EYS: variants seen among roughly 807,000 people sequenced by gnomAD.
EYS encodes protein eyes shut homolog.
EYS carries 250 observed loss-of-function variants against 282.1 expected under a neutral mutation model. The observed-to-expected ratio is 0.89, with a 90% CI of 0.80 to 0.98. The LOEUF (loss-of-function observed/expected upper bound fraction) is 0.98, where lower values mean the gene tolerates loss of function less well. Among genes scored for constraint, EYS ranks in the 50% least tolerant of loss-of-function variants. The probability of loss-of-function intolerance (pLI) is 0.00; values close to 1 mark genes in which losing one functional copy is unlikely to be tolerated. For missense variants in EYS, 4,016 were observed against 3,709.0 expected (o/e 1.08, Z -2.15); for synonymous variants, 1,355 against 1,282.9 (o/e 1.06, Z -1.20).
At chr6:65,412,062 T>C (rs550907011) in intron 5 of EYS, among the ~76,000 whole-genome samples, 1 of 152,170 alleles carries the variant, frequency 6.6e-6, no homozygotes, top group East Asian at 1.9e-4. Flanking sequence ...ATGTATAAGA[T>C]TAGTACCCTT....
intron 36 of EYS, among the ~76,000 whole-genome samples, chr6:63,829,859 C>T (rs868314272): frequency 1.8e-4 from 28 of 152,188 alleles, no homozygotes; most frequent in African/African-American, 6.5e-4. Context: ...CCCTCTGAGA[C>T]AAAGCTTCCA....
intron 30 of EYS, among the ~76,000 whole-genome samples, chr6:64,298,884 G>A (rs1465624445): frequency 6.6e-6 from 1 of 152,118 alleles, no homozygotes; most frequent in Non-Finnish European, 1.5e-5. Context: ...ATTAGGGGTT[G>A]CTAGCTTAAT....
chr6:64,541,860 C>T (rs1376436714), intron 26 of EYS, among the ~76,000 whole-genome samples: 4 of 152,112 alleles, frequency 2.6e-5, no homozygotes, highest in African/African-American at 9.7e-5. Context: ...TAAAGTTTTA[C>T]ATATTATCTA....
intron 22 of EYS, among the ~76,000 whole-genome samples, chr6:64,658,965 T>C (rs1332626361): frequency 1.3e-5 from 2 of 152,172 alleles, no homozygotes; most frequent in African/African-American, 2.4e-5. Context: ...GCACTTATTC[T>C]AAAATTGACC....
At chr6:64,287,186 C>A (rs1268486686) in intron 30 of EYS, among the ~76,000 whole-genome samples, 1 of 152,056 alleles carries the variant, frequency 6.6e-6, no homozygotes, top group Non-Finnish European at 1.5e-5. Flanking sequence ...TTAATTAAGT[C>A]ACTGCCTTTA....
At chr6:64,125,621 TAAA>T (rs1233562756) in intron 31 of EYS, among the ~76,000 whole-genome samples, 2 of 151,070 alleles carry the variant, frequency 1.3e-5, no homozygotes, top group Non-Finnish European at 3.0e-5. Flanking sequence ...CCATCTCTAC[TAAA>T]AAATACAAAA....
intron 12 of EYS, among the ~76,000 whole-genome samples, chr6:65,278,060 T>TTCTTTTCTTTTC (rs139764079): frequency 7.0e-6 from 1 of 142,808 alleles, no homozygotes; most frequent in East Asian, 2.0e-4. Flanking sequence ...TTCTTTTCTT[T>TTCTTTTCTTTTC]TTTTCTGCCT....
chr6:65,192,715 C>T (rs1051664726), intron 12 of EYS, among the ~76,000 whole-genome samples: 2 of 151,796 alleles, frequency 1.3e-5, no homozygotes, highest in South Asian at 4.1e-4. Flanking sequence ...ATGACTAGGT[C>T]ATTAAAATCT....
intron 42 of EYS, among the ~76,000 whole-genome samples, chr6:63,724,494 G>T (rs1384577266): frequency 6.6e-6 from 1 of 152,052 alleles, no homozygotes; most frequent in East Asian, 1.9e-4. Context: ...TTTTATACAC[G>T]TTGGGAGGAT....
At chr6:64,490,566 A>G (rs1776706692) in intron 26 of EYS, among the ~76,000 whole-genome samples, 2 of 150,884 alleles carry the variant, frequency 1.3e-5, no homozygotes, top group African/African-American at 2.4e-5. Flanking sequence ...GTATCTCTCC[A>G]GCATTCAAAT....
intron 31 of EYS, among the ~76,000 whole-genome samples, chr6:64,149,152 T>C (rs1018728758): frequency 3.7e-4 from 56 of 152,298 alleles, no homozygotes; most frequent in African/African-American, 1.2e-3. Flanking sequence ...GCAGAAATCA[T>C]AACTGGTGAA....
chr6:64,356,630 C>T (rs4355590), intron 29 of EYS, among the ~76,000 whole-genome samples: 4,728 of 151,656 alleles, frequency 0.031, 233 homozygotes, highest in African/African-American at 0.11. Flanking sequence ...TACATCTTTA[C>T]GCATTGGAAG....
chr6:64,648,039 T>A (rs1162554637), intron 22 of EYS, among the ~76,000 whole-genome samples: 4 of 152,236 alleles, frequency 2.6e-5, no homozygotes, highest in Non-Finnish European at 5.9e-5. Flanking sequence ...TATAGCCAGT[T>A]ATGCTTAAAT....
At chr6:64,871,239 G>A (rs1400360392) in intron 19 of EYS, among the ~76,000 whole-genome samples, 1 of 149,496 alleles carries the variant, frequency 6.7e-6, no homozygotes, top group Non-Finnish European at 1.5e-5. Context: ...AATATTCAAT[G>A]TTCCCATTAA....
intron 12 of EYS, among the ~76,000 whole-genome samples, chr6:65,202,319 G>C (rs1472221547): frequency 1.3e-5 from 2 of 151,994 alleles, no homozygotes; most frequent in East Asian, 3.9e-4. Context: ...TTTAATAATA[G>C]AATGGGTACA....
chr6:64,918,263 G>A (rs1768226198), intron 15 of EYS, among the ~76,000 whole-genome samples: 1 of 152,004 alleles, frequency 6.6e-6, no homozygotes, highest in African/African-American at 2.4e-5. Context: ...TTGAATAACA[G>A]CCTGAAAATG....
chr6:64,480,410 G>A (rs1189940090), intron 26 of EYS, among the ~76,000 whole-genome samples: 1 of 151,812 alleles, frequency 6.6e-6, no homozygotes, highest in Non-Finnish European at 1.5e-5. Flanking sequence ...TTTAATTGTG[G>A]ATATTCTTGT....
At chr6:64,661,445 C>G (rs1448119109) in intron 22 of EYS, among the ~76,000 whole-genome samples, 1 of 152,152 alleles carries the variant, frequency 6.6e-6, no homozygotes, top group Non-Finnish European at 1.5e-5. Context: ...TCAGAGTGAA[C>G]AGGAAACCTA....
intron 28 of EYS, among the ~76,000 whole-genome samples, chr6:64,405,792 G>A (rs1773688159): frequency 6.6e-6 from 1 of 152,092 alleles, no homozygotes; most frequent in African/African-American, 2.4e-5. Context: ...ACCTCAAGGA[G>A]AACTACAAAC....
Sources: gnomAD v4.1 joint callset for allele counts (sites outside exome capture counted in the v4.1 genomes callset) on GRCh38, gnomAD v4.1.1 for gene constraint, MANE v1.5 for transcripts, NCBI Gene and HGNC (gene_info 2026-07-23, HGNC 2026-07-21) for gene names.